Variants in LIPJ observed in about 807,000 individuals in gnomAD.
The protein encoded by LIPJ is lipase member J.
LIPJ carries 33 observed loss-of-function variants against 39.8 expected under a neutral mutation model. The observed-to-expected ratio is 0.83, with a 90% confidence interval of 0.63 to 1.11. The LOEUF (loss-of-function observed/expected upper bound fraction) is 1.11, where lower values mean the gene tolerates loss of function less well. Ranked by LOEUF, LIPJ falls within the 50% of genes least tolerant of loss-of-function variation. The pLI is 0.00. For missense variants in LIPJ, 422 were observed against 427.9 expected (o/e 0.99, Z 0.12); for synonymous variants, 128 against 139.2 (o/e 0.92, Z 0.57).
the LIPJ span, among the ~76,000 whole-genome samples, chr10:88,616,397 C>A: frequency 6.6e-6 from 1 of 152,222 alleles, no homozygotes; most frequent in African/African-American, 2.4e-5. Context: ...CCAGGGCCGA[C>A]TGGAATCTGA....
At chr10:88,591,310 A>C in intron 3 of LIPJ, 68 bp from the exon 4 acceptor site, 2 of 1,272,664 alleles carry the variant, frequency 1.6e-6, no homozygotes, top group Non-Finnish European at 2.2e-6. Flanking sequence ...ATGCGTTAGA[A>C]ATGGCAAACC....
At chr10:88,614,752 A>C in the LIPJ span, among the ~76,000 whole-genome samples, 2 of 152,266 alleles carry the variant, frequency 1.3e-5, no homozygotes, top group African/African-American at 4.8e-5. Context: ...TTGTTTTCAA[A>C]AGTATTAATA....
At chr10:88,616,675 AG>A in the LIPJ span, among the ~76,000 whole-genome samples, 1 of 152,194 alleles carries the variant, frequency 6.6e-6, no homozygotes, top group Non-Finnish European at 1.5e-5. Flanking sequence ...GGAGCACTAC[AG>A]CATCCTGAAG....
upstream of LIPJ, chr10:88,583,793 A>G (rs1850804718): frequency 1.2e-6 from 1 of 810,994 alleles, no homozygotes; most frequent in Admixed American, 6.2e-5. Context: ...AAATGGAAAC[A>G]ATAACGTATA....
chr10:88,602,562 T>C lies in LIPJ; in HGVS notation c.724-14T>C. 6.8e-7 allele frequency: 1 copy of C among 1,478,094 alleles called. No homozygotes were observed. Among genetic ancestry groups the C allele is most frequent in the Non-Finnish European group, 9.1e-7 (1 of 1,093,948 alleles). The allele number at this position is 1,478,094 out of a possible 1,614,324, so 91.6% of individuals were successfully genotyped here. A position where few individuals can be genotyped will look rare whatever the true frequency, so the allele number is the denominator to read the frequency against. Reference sequence around the variant, plus strand: ...TTATATAAAAATGCTTTTTTTTTTTTTTTTACCCCTCAGAGTCGTTTGGAT... The same window carrying C: ...TTATATAAAAATGCTTTTTTTTTTTCTTTTACCCCTCAGAGTCGTTTGGAT... On this transcript the variant is annotated splice_polypyrimidine_tract_variant and intron_variant, in intron 8 of 10. Coordinates refer to ENST00000371939, the Ensembl canonical transcript of LIPJ.
upstream of LIPJ, among the ~76,000 whole-genome samples, chr10:88,586,286 T>C (rs376757521): frequency 2.2e-4 from 34 of 152,186 alleles, no homozygotes; most frequent in African/African-American, 7.2e-4. Context: ...AATGGGTCCT[T>C]GGTTGACTAC....
intron 4 of LIPJ, 21 bp downstream of exon 4, chr10:88,591,519 G>A (rs1167977749): frequency 6.3e-7 from 1 of 1,582,704 alleles, no homozygotes; most frequent in Non-Finnish European, 8.6e-7. Flanking sequence ...ATTGAAGATG[G>A]ATTGGTGACA....
At chr10:88,596,401 G>C in exon 7 of LIPJ, 2 of 1,534,528 alleles carry the variant, frequency 1.3e-6, no homozygotes, top group Non-Finnish European at 1.8e-6. Flanking sequence ...CATACAAATG[G>C]AAGTCAATAG....
chr10:88,619,472 T>C, the LIPJ span, among the ~76,000 whole-genome samples: 72 of 23,220 alleles, frequency 3.1e-3, no homozygotes, highest in African/African-American at 0.021. Context: ...CACACACACA[T>C]ATCCCTTTTG....
chr10:88,619,933 T>C, the LIPJ span, among the ~76,000 whole-genome samples: 1 of 152,058 alleles, frequency 6.6e-6, no homozygotes, highest in Non-Finnish European at 1.5e-5. Context: ...AACTTCTGCA[T>C]TTTGAAAAGA....
At chr10:88,594,061 G>A in exon 5 of LIPJ, 1 of 1,612,334 alleles carries the variant, frequency 6.2e-7, no homozygotes, top group Non-Finnish European at 8.5e-7. Context: ...GTTATGATGT[G>A]TGGATGGGAA....
At chr10:88,591,647 A>G (rs1343294296) in intron 4 of LIPJ, 149 bp downstream of exon 4, 9 of 577,222 alleles carry the variant, frequency 1.6e-5, no homozygotes, top group Non-Finnish European at 2.0e-5. Flanking sequence ...CTACAAGAAG[A>G]GTCACACAAG....
At chr10:88,584,884 T>C (rs1430080672), upstream of LIPJ, among the ~76,000 whole-genome samples, 5 of 152,166 alleles carry the variant, frequency 3.3e-5, no homozygotes, top group Admixed American at 3.3e-4. Flanking sequence ...TACACAATGG[T>C]ATATTACTGA....
exon 11 of LIPJ, chr10:88,606,913 C>A (rs1851687913): frequency 2.0e-6 from 3 of 1,493,310 alleles, no homozygotes; most frequent in Admixed American, 4.3e-5. Context: ...TATAAAGAAC[C>A]ATGGCGCTGT....
chr10:88,616,838 C>CA, the LIPJ span, among the ~76,000 whole-genome samples: 1 of 152,170 alleles, frequency 6.6e-6, no homozygotes, highest in African/African-American at 2.4e-5. Context: ...TGGCTACAGT[C>CA]TCTAGAGGAC....
chr10:88,596,729 AAC>A, intron 7 of LIPJ, 59 bp from the exon 8 acceptor site: 5 of 1,372,456 alleles, frequency 3.6e-6, no homozygotes, highest in Non-Finnish European at 5.1e-6. Context: ...GAATTACCAC[AAC>A]ATTTCTTTAG....
rs1851177573 is a variant in LIPJ, at chr10:88,594,206, G to T, written c.329+62G>T. The stretch of plus-strand genomic sequence containing the variant: ...TGTATACAAATTTTTCATTTTGAAT[G>T]CAATAAAATAAAATTTAGGTCTTAC... On this transcript the variant is annotated intron_variant, in intron 5 of 10. Transcript: ENST00000371939. The T allele has an allele frequency of 2.4e-6, 3 of 1,237,296 alleles. No homozygotes were observed. In the Admixed American group the frequency reaches 7.3e-5, roughly 30 times the overall value. The allele number at this position is 1,237,296 out of a possible 1,614,324, so 76.6% of individuals were successfully genotyped here.
chr10:88,596,716 A>T, intron 7 of LIPJ, 74 bp from the exon 8 acceptor site: 1 of 1,269,976 alleles, frequency 7.9e-7, no homozygotes, highest in South Asian at 1.3e-5. Flanking sequence ...TTTTATAGAT[A>T]GTGAATTACC....
downstream of LIPJ, chr10:88,606,989 C>A: frequency 7.5e-7 from 1 of 1,334,538 alleles, no homozygotes; most frequent in Non-Finnish European, 9.6e-7. Context: ...TGTGTATGTT[C>A]TTTCATTTTT....
Sources: allele counts gnomAD v4.1 joint callset (sites outside exome capture counted in the v4.1 genomes callset), GRCh38; gene constraint gnomAD v4.1.1; transcripts MANE v1.5; gene names NCBI Gene and HGNC (gene_info 2026-07-23, HGNC 2026-07-21).